CPED1: variants seen among roughly 807,000 people sequenced by gnomAD.
CPED1 encodes the protein cadherin like and PC-esterase domain containing 1.
CPED1 carries 114 observed loss-of-function variants against 128.2 expected under a neutral mutation model. The observed-to-expected ratio is 0.89, with a 90% confidence interval of 0.76 to 1.04. The LOEUF is 1.04. Ranked by LOEUF, CPED1 falls within the 50% of genes least tolerant of loss-of-function variation. The probability of loss-of-function intolerance (pLI) is 0.00; values close to 1 mark genes in which losing one functional copy is unlikely to be tolerated. For synonymous variants in CPED1, 462 were observed against 426.7 expected, an observed-to-expected ratio of 1.08 and a Z score of -1.02; for missense variants, 1,211 against 1,207.1, an observed-to-expected ratio of 1.00 and a Z score of -0.05.
chr7:121,030,165 A>G (rs913266338), intron 3 of CPED1, among the ~76,000 whole-genome samples: 3 of 152,146 alleles, frequency 2.0e-5, no homozygotes, highest in African/African-American at 7.2e-5. Flanking sequence ...ACACACACAC[A>G]CGATAGACAC....
chr7:121,273,277 C>T (rs151309970), intron 22 of CPED1, among the ~76,000 whole-genome samples: 1 of 152,012 alleles, frequency 6.6e-6, no homozygotes, highest in African/African-American at 2.4e-5. Context: ...AATCTCAGCA[C>T]TTTGGGAGGC....
chr7:121,008,256 T>C (rs974513180), intron 2 of CPED1, among the ~76,000 whole-genome samples: 1 of 152,314 alleles, frequency 6.6e-6, no homozygotes, highest in African/African-American at 2.4e-5. Context: ...AAGACCAGCA[T>C]AGAGTTATCA....
At chr7:121,152,994 G>A (rs1260127209) in intron 16 of CPED1, among the ~76,000 whole-genome samples, 1 of 152,118 alleles carries the variant, frequency 6.6e-6, no homozygotes, top group Non-Finnish European at 1.5e-5. Context: ...TCAGAAGAGA[G>A]ACTGGGAATT....
intron 5 of CPED1, among the ~76,000 whole-genome samples, chr7:121,070,778 C>T (rs1005707619): frequency 6.6e-6 from 1 of 152,132 alleles, no homozygotes; most frequent in Non-Finnish European, 1.5e-5. Flanking sequence ...CTTCTCACTT[C>T]CTTTCTTGCT....
chr7:121,062,011 A>C (rs903991361), intron 4 of CPED1, among the ~76,000 whole-genome samples: 3 of 152,204 alleles, frequency 2.0e-5, no homozygotes, highest in African/African-American at 7.2e-5. Context: ...CCACACTATT[A>C]ATTCTAAAGA....
At chr7:121,184,307 A>G (rs1361798121) in intron 16 of CPED1, among the ~76,000 whole-genome samples, 1 of 152,162 alleles carries the variant, frequency 6.6e-6, no homozygotes, top group Non-Finnish European at 1.5e-5. Context: ...TAAGTTGCTG[A>G]AAAATCTGAG....
chr7:121,040,794 A>G (rs990108147), intron 3 of CPED1, among the ~76,000 whole-genome samples: 2 of 152,034 alleles, frequency 1.3e-5, no homozygotes, highest in Non-Finnish European at 2.9e-5. Flanking sequence ...AAACTCAGGA[A>G]ATCATCCTTG....
intron 16 of CPED1, among the ~76,000 whole-genome samples, chr7:121,171,891 G>A (rs963228301): frequency 6.6e-6 from 1 of 152,096 alleles, no homozygotes; most frequent in Non-Finnish European, 1.5e-5. Flanking sequence ...ATTTCAAATG[G>A]GCAATAATGT....
chr7:121,176,433 C>T (rs1726137207), intron 16 of CPED1, among the ~76,000 whole-genome samples: 1 of 151,050 alleles, frequency 6.6e-6, no homozygotes, highest in Non-Finnish European at 1.5e-5. Context: ...TAAAATATCA[C>T]CTTTGTAATA....
At chr7:121,111,618 T>G (rs1795110480) in intron 7 of CPED1, among the ~76,000 whole-genome samples, 1 of 152,158 alleles carries the variant, frequency 6.6e-6, no homozygotes, top group African/African-American at 2.4e-5. Flanking sequence ...ATTCAATGTT[T>G]GGGATGGAAG....
At chr7:121,170,699 A>C (rs1287660666) in intron 16 of CPED1, among the ~76,000 whole-genome samples, 1 of 152,150 alleles carries the variant, frequency 6.6e-6, no homozygotes, top group Non-Finnish European at 1.5e-5. Context: ...AATTGGTATA[A>C]ATGCAATGAT....
At chr7:121,161,273 G>A (rs952113751) in intron 16 of CPED1, among the ~76,000 whole-genome samples, 1 of 152,078 alleles carries the variant, frequency 6.6e-6, no homozygotes, top group African/African-American at 2.4e-5. Flanking sequence ...AAGCTCACTG[G>A]GGTTGCTGGC....
intron 18 of CPED1, among the ~76,000 whole-genome samples, chr7:121,265,934 C>T (rs996881048): frequency 1.3e-5 from 2 of 151,822 alleles, no homozygotes; most frequent in East Asian, 3.9e-4. Flanking sequence ...TGTTAAGATG[C>T]TTAAACGAGA....
At chr7:121,188,194 A>G (rs1192881005) in intron 16 of CPED1, among the ~76,000 whole-genome samples, 1 of 152,198 alleles carries the variant, frequency 6.6e-6, no homozygotes. Context: ...AGAAGAAATC[A>G]GGGAGTAGAA....
chr7:121,166,333 C>A (rs1374118341), intron 16 of CPED1, among the ~76,000 whole-genome samples: 1 of 152,094 alleles, frequency 6.6e-6, no homozygotes, highest in Non-Finnish European at 1.5e-5. Flanking sequence ...CTTGCCCCAA[C>A]CTATTTCCCT....
At chr7:121,151,246 T>A (rs545814020) in intron 16 of CPED1, among the ~76,000 whole-genome samples, 1 of 152,150 alleles carries the variant, frequency 6.6e-6, no homozygotes, top group African/African-American at 2.4e-5. Context: ...TACGTATATA[T>A]GCCCAATGCC....
In CPED1 at chr7:121,099,908, GTTTTTTT is replaced by G; in HGVS notation, c.750-9_750-3del. On this transcript the variant is annotated splice_polypyrimidine_tract_variant and intron_variant, in intron 6 of 22. Coordinates refer to ENST00000310396, the MANE Select transcript of CPED1 (RefSeq NM_024913.5). ...CCCTACATTATGGAGCGCTAACTAT[GTTTTTTT>G]TTTTTTTTAGGAATGAAACGACAGT... The G allele has an allele frequency of 6.7e-7, 1 of 1,495,024 alleles. No homozygotes were observed. The highest frequency in any genetic ancestry group is 9.1e-7 in the Non-Finnish European group (1 of 1,097,526). 92.6% of individuals were successfully genotyped at this position (1,495,024 alleles called of 1,614,324 possible). A position where few individuals can be genotyped will look rare whatever the true frequency, so the allele number is the denominator to read the frequency against.
At chr7:121,252,318 A>T (rs1464999784) in intron 18 of CPED1, among the ~76,000 whole-genome samples, 1 of 152,328 alleles carries the variant, frequency 6.6e-6, no homozygotes, top group East Asian at 1.9e-4. Context: ...TTAATTCAAG[A>T]TGGATTAAAG....
intron 11 of CPED1, among the ~76,000 whole-genome samples, chr7:121,129,195 G>T (rs1478344449): frequency 6.7e-6 from 1 of 149,506 alleles, no homozygotes; most frequent in Admixed American, 6.7e-5. Context: ...TTTTGAAATA[G>T]CATTCTTAAT....
Sources: allele counts gnomAD v4.1 joint callset (sites outside exome capture counted in the v4.1 genomes callset), GRCh38; gene constraint gnomAD v4.1.1; transcripts MANE v1.5; gene names NCBI Gene and HGNC (gene_info 2026-07-23, HGNC 2026-07-21).